Variants in TENM2 observed in about 807,000 individuals in gnomAD.
TENM2 encodes teneurin-2.
Under a neutral mutation model 245.2 loss-of-function variants are expected in TENM2, and 52 were observed. The observed-to-expected ratio is 0.21, with a 90% CI of 0.17 to 0.27. The LOEUF (loss-of-function observed/expected upper bound fraction) is 0.27. TENM2 is among the 10% of genes least tolerant of loss of function. TENM2 has a pLI of 1.00. For missense variants in TENM2, 3,046 were observed against 3,666.8 expected, an observed-to-expected ratio of 0.83 and a Z score of 4.37; for synonymous variants, 1,363 against 1,438.9, an observed-to-expected ratio of 0.95 and a Z score of 1.19.
intron 2 of TENM2, among the ~76,000 whole-genome samples, chr5:167,530,242 G>T (rs1490978673): frequency 1.3e-5 from 2 of 152,212 alleles, no homozygotes; most frequent in East Asian, 3.9e-4. Context: ...AAAATCAGTT[G>T]TTCTACAGAT....
rs201978915 is a variant in TENM2 at position 167,827,636 on chromosome 5, G to GGC, written c.503-48349_503-48348insCG. Among the ~76,000 whole-genome samples the GGC allele has an allele frequency of 9.0e-4, 95 of 105,792 alleles. 7 individuals are homozygous for GGC. The East Asian group carries it at 0.029, about 32-fold the overall frequency. 69.4% of individuals were successfully genotyped at this position (105,792 alleles called of 152,430 possible). A position where few individuals can be genotyped will look rare whatever the true frequency, so the allele number is the denominator to read the frequency against. ...GCAAGGAGCTAGGTGGGCGGGGGGGGGGGAACAGTTTAATGAGCGTGAATG... is the reference window on the plus strand; with the variant it reads ...GCAAGGAGCTAGGTGGGCGGGGGGGGGCGGGAACAGTTTAATGAGCGTGAATG... On this transcript the variant is annotated intron_variant, in intron 2 of 28. Coordinates refer to ENST00000518659, the Ensembl canonical transcript of TENM2.
chr5:167,846,104 C>A (rs1461660618), intron 2 of TENM2, among the ~76,000 whole-genome samples: 1 of 152,150 alleles, frequency 6.6e-6, no homozygotes, highest in East Asian at 1.9e-4. Context: ...TTGCAATGTC[C>A]CTGAAAGCAG....
At chr5:167,173,504 G>C in the TENM2 span, among the ~76,000 whole-genome samples, 1 of 152,092 alleles carries the variant, frequency 6.6e-6, no homozygotes, top group Non-Finnish European at 1.5e-5. Flanking sequence ...TAATGTCTTT[G>C]TAAAAATGAA....
At chr5:167,185,424 A>G in the TENM2 span, among the ~76,000 whole-genome samples, 1 of 152,214 alleles carries the variant, frequency 6.6e-6, no homozygotes, top group African/African-American at 2.4e-5. Context: ...CTGAAATAAT[A>G]TGCACATTTT....
intron 4 of TENM2, among the ~76,000 whole-genome samples, chr5:167,974,617 A>G (rs1782294446): frequency 6.6e-6 from 1 of 152,216 alleles, no homozygotes; most frequent in African/African-American, 2.4e-5. Context: ...CAATATTCCT[A>G]AGAAATACTT....
chr5:167,624,656 A>G (rs1447690406), intron 2 of TENM2, among the ~76,000 whole-genome samples: 3 of 152,160 alleles, frequency 2.0e-5, no homozygotes, highest in Non-Finnish European at 4.4e-5. Flanking sequence ...AAAGACAAAA[A>G]TCCTGACATA....
the TENM2 span, among the ~76,000 whole-genome samples, chr5:167,221,751 G>A: frequency 1.3e-5 from 2 of 152,110 alleles, no homozygotes; most frequent in East Asian, 3.9e-4. Flanking sequence ...AGGAGTGGGA[G>A]GTAGAAATTC....
chr5:168,179,416 G>C (rs180975451), intron 13 of TENM2, among the ~76,000 whole-genome samples: 13 of 152,338 alleles, frequency 8.5e-5, no homozygotes, highest in Admixed American at 2.0e-4. Flanking sequence ...GTAAACTTAA[G>C]TCAAAAGTGT....
chr5:167,431,195 T>G (rs892314062), intron 2 of TENM2, among the ~76,000 whole-genome samples: 2 of 152,198 alleles, frequency 1.3e-5, no homozygotes, highest in African/African-American at 2.4e-5. Flanking sequence ...TTAAGACAAT[T>G]ATCAATTTCT....
chr5:167,947,830 G>A (rs1247093553), intron 3 of TENM2, among the ~76,000 whole-genome samples: 2 of 152,170 alleles, frequency 1.3e-5, no homozygotes, highest in Non-Finnish European at 2.9e-5. Context: ...TCCCAGGAAT[G>A]AGTGATTTAT....
chr5:168,048,054 CT>C (rs535935814), intron 6 of TENM2, among the ~76,000 whole-genome samples: 147 of 152,260 alleles, frequency 9.7e-4, no homozygotes, highest in African/African-American at 3.5e-3. Context: ...AGCTGCTGTG[CT>C]TTGGGGGAGA....
At chr5:167,877,486 A>G (rs1380748949) in intron 3 of TENM2, among the ~76,000 whole-genome samples, 1 of 152,250 alleles carries the variant, frequency 6.6e-6, no homozygotes, top group Non-Finnish European at 1.5e-5. Flanking sequence ...AATCTTTATT[A>G]GAACTCATCA....
the TENM2 span, among the ~76,000 whole-genome samples, chr5:167,273,274 C>T: frequency 6.6e-6 from 1 of 152,124 alleles, no homozygotes; most frequent in Non-Finnish European, 1.5e-5. Context: ...AATAAAGCCC[C>T]AGCATAGCAG....
chr5:168,002,553 T>C (rs1199690166), intron 5 of TENM2, among the ~76,000 whole-genome samples: 1 of 152,224 alleles, frequency 6.6e-6, no homozygotes, highest in Non-Finnish European at 1.5e-5. Context: ...AGATGCATCT[T>C]TGAAACTGGT....
At chr5:167,528,774 CT>C (rs1771289030) in intron 2 of TENM2, among the ~76,000 whole-genome samples, 2 of 152,170 alleles carry the variant, frequency 1.3e-5, no homozygotes, top group Non-Finnish European at 2.9e-5. Flanking sequence ...AAAATAATCT[CT>C]GTTGAACTCA....
At chr5:167,147,082 T>C in the TENM2 span, among the ~76,000 whole-genome samples, 1 of 152,314 alleles carries the variant, frequency 6.6e-6, no homozygotes, top group Middle Eastern at 3.4e-3. Context: ...CACACCTTTT[T>C]CCTAAAGCAT....
chr5:167,865,984 G>A (rs984533839), intron 2 of TENM2, among the ~76,000 whole-genome samples: 12 of 152,140 alleles, frequency 7.9e-5, no homozygotes, highest in African/African-American at 2.7e-4. Context: ...CTCTGTACTG[G>A]GTGCTAGGAT....
intron 2 of TENM2, among the ~76,000 whole-genome samples, chr5:167,635,633 C>CTTTTTTTTTTTTTTTGTTTTTTTT (rs1779149641): frequency 1.3e-5 from 1 of 74,962 alleles, no homozygotes; most frequent in Non-Finnish European, 2.3e-5. Flanking sequence ...TCAGTACAGT[C>CTTTTTTTTTTTTTTTGTTTTTTTT]TTTTTTTTTT....
chr5:167,807,124 T>TAAAAAAAGAAA (rs1766242321), intron 2 of TENM2, among the ~76,000 whole-genome samples: 1 of 49,082 alleles, frequency 2.0e-5, no homozygotes, highest in African/African-American at 8.4e-5. Context: ...GCCCCTAGGT[T>TAAAAAAAGAAA]AAAAAAAAAA....
Sources: gnomAD v4.1 joint callset for allele counts (sites outside exome capture counted in the v4.1 genomes callset) on GRCh38, gnomAD v4.1.1 for gene constraint, MANE v1.5 for transcripts, NCBI Gene and HGNC (gene_info 2026-07-23, HGNC 2026-07-21) for gene names.